RNF168: variants seen among roughly 807,000 people sequenced by gnomAD.
RNF168 encodes the protein ring finger protein 168, also known as E3 ubiquitin-protein ligase RNF168.
RNF168 carries 34 observed loss-of-function variants against 34.9 expected under a neutral mutation model. That is an observed-to-expected ratio of 0.97 (90% CI 0.74 to 1.30). The LOEUF (loss-of-function observed/expected upper bound fraction) is 1.30, where lower values mean the gene tolerates loss of function less well. Ranked by LOEUF, RNF168 falls within the 50% of genes most tolerant of loss-of-function variation. RNF168 has a pLI of 0.00. For synonymous variants in RNF168, 264 were observed against 254.7 expected, an observed-to-expected ratio of 1.04 and a Z score of -0.35; for missense variants, 725 against 682.5, an observed-to-expected ratio of 1.06 and a Z score of -0.69.
intron 4 of RNF168, among the ~76,000 whole-genome samples, chr3:196,475,552 CTTTTTTT>C (rs771089639): frequency 3.7e-5 from 5 of 133,452 alleles, no homozygotes; most frequent in Non-Finnish European, 7.7e-5. Flanking sequence ...AATATTTTTT[CTTTTTTT>C]TTTTTTTTTG....
chr3:196,487,352 G>A (rs777848191), intron 3 of RNF168, 47 bp downstream of exon 3: 21 of 1,467,564 alleles, frequency 1.4e-5, no homozygotes, highest in Middle Eastern at 1.7e-4. Context: ...CTGCAGCAGC[G>A]CATACCAAGG....
intron 4 of RNF168, among the ~76,000 whole-genome samples, chr3:196,480,212 T>C (rs932881477): frequency 1.3e-5 from 2 of 152,200 alleles, no homozygotes; most frequent in Non-Finnish European, 2.9e-5. Context: ...TTAAAATATA[T>C]GTTTGCTGCT....
rs759237055 is a variant in RNF168 at position 196,472,382 on chromosome 3, TCTC to T, written c.1150_1152del (p.Glu384del). ...GATTCTTGGTTTTTTCTTTTGGAAA[TCTC>T]CTTACTGATCAGTAGGCACGACTCT... is the stretch of plus-strand genomic sequence containing the variant. On this transcript the variant is annotated inframe_deletion, in exon 6 of 6. Coordinates refer to ENST00000318037, the MANE Select transcript of RNF168 (RefSeq NM_152617.4). The T allele has an allele frequency of 6.8e-6, 11 of 1,614,012 alleles. No homozygotes were observed. The highest frequency in any genetic ancestry group is 9.3e-6 in the Non-Finnish European group (11 of 1,180,000).
intron 2 of RNF168, 60 bp downstream of exon 2, chr3:196,488,547 A>G (rs775953441): frequency 9.9e-7 from 1 of 1,010,122 alleles, no homozygotes; most frequent in Non-Finnish European, 1.5e-6. Context: ...CTAAATTAAA[A>G]TCTGAAACTA....
chr3:196,487,969 C>T (rs143903852), intron 2 of RNF168, among the ~76,000 whole-genome samples: 45 of 152,276 alleles, frequency 3.0e-4, no homozygotes, highest in African/African-American at 1.1e-3. Context: ...AGCCCTTTAA[C>T]CTTTCCTCAT....
chr3:196,495,542 AT>A (rs1351379264), intron 1 of RNF168, among the ~76,000 whole-genome samples: 1 of 152,138 alleles, frequency 6.6e-6, no homozygotes, highest in Non-Finnish European at 1.5e-5. Context: ...TAGAATTTCA[AT>A]TTGGGTTTTT....
Position 196,472,149 on chromosome 3 carries a change from C to T in RNF168, c.1386G>A (p.Met462Ile), listed in dbSNP as rs1327965880. ...GGGATCCTTTTTGCCGGTTTGGCAC[C>T]ATTTGCTCTTTATCCACCTCCTTCT... ...QLQKEVDKEQ[M>I]VPNRQKGSPD... The change falls in exon 6 of 6, where the codon ATG becomes ATA. Residue 462 changes from methionine to isoleucine, a missense_variant. By Grantham distance (10) the Met-to-Ile change is conservative. Coordinates refer to ENST00000318037, the MANE Select transcript of RNF168 (RefSeq NM_152617.4). The T allele has an allele frequency of 1.2e-6, 2 of 1,613,976 alleles. No individual in the cohort carries two copies. The highest frequency in any genetic ancestry group is 2.7e-5 in the African/African-American group (2 of 74,908).
chr3:196,499,108 C>T (rs1433734000), intron 1 of RNF168, among the ~76,000 whole-genome samples: 2 of 151,922 alleles, frequency 1.3e-5, no homozygotes, highest in Non-Finnish European at 2.9e-5. Flanking sequence ...CAGGTTGTTA[C>T]AGATATAATG....
intron 1 of RNF168, 29 bp from the exon 2 acceptor site, chr3:196,488,712 T>G (rs775164430): frequency 1.4e-6 from 2 of 1,427,928 alleles, no homozygotes; most frequent in South Asian, 2.3e-5. Context: ...GAAAATAACA[T>G]TATAGGCAAC....
chr3:196,471,937 C>G lies in RNF168; in HGVS notation c.1598G>C (p.Arg533Thr). 1 of 1,614,060 alleles carries G rather than the reference C, an allele frequency of 6.2e-7. No homozygotes were observed. Among genetic ancestry groups the G allele is most frequent in the Non-Finnish European group, 8.5e-7 (1 of 1,179,922 alleles). ...TCTAGTAGAATTTGGCATCTTTCTTCTATTAACTGACTGCTTCAACTGCAT... is the reference window on the plus strand; with the variant it reads ...TCTAGTAGAATTTGGCATCTTTCTTGTATTAACTGACTGCTTCAACTGCAT... The part of the protein sequence containing the change: ...LKMQLKQSVN[R>T]RKMPNSTRDH... The change falls in exon 6 of 6, where the codon AGA (arginine) becomes ACA (threonine). Residue 533 changes from arginine to threonine, a missense_variant. Coordinates refer to ENST00000318037, the MANE Select transcript of RNF168 (RefSeq NM_152617.4).
In RNF168 at chr3:196,471,501, T is replaced by C. The variant is rs925342924; in HGVS notation, c.*318A>G. On this transcript the variant is annotated 3_prime_UTR_variant, in exon 6 of 6. Transcript: ENST00000318037. ...ACGACAAAAAGGTGAGCAAAGGCCATAAAACATGCAGTTTTTGGAAAGACA... is the reference window on the plus strand; with the variant it reads ...ACGACAAAAAGGTGAGCAAAGGCCACAAAACATGCAGTTTTTGGAAAGACA... 3.1e-6 allele frequency: 1 copy of C among 322,386 alleles called. No individual in the cohort carries two copies. Among genetic ancestry groups the C allele is most frequent in the Non-Finnish European group, 5.9e-6 (1 of 169,626 alleles). 20.0% of individuals were successfully genotyped at this position (322,386 alleles called of 1,614,324 possible).
chr3:196,491,142 G>A (rs538346969), intron 1 of RNF168, among the ~76,000 whole-genome samples: 27 of 151,934 alleles, frequency 1.8e-4, no homozygotes, highest in African/African-American at 6.0e-4. Flanking sequence ...GTGAAACCCC[G>A]TCTATACTAA....
chr3:196,502,809 G>A lies in RNF168; in HGVS notation c.301+64C>T, dbSNP rs1481998764. The A allele has an allele frequency of 9.2e-6, 13 of 1,410,636 alleles. No individual in the cohort carries two copies. In the East Asian group the frequency reaches 2.5e-4, roughly 27 times the overall value. 87.4% of individuals were successfully genotyped at this position (1,410,636 alleles called of 1,614,324 possible). On this transcript the variant is annotated intron_variant, in intron 1 of 5. Coordinates refer to ENST00000318037, the MANE Select transcript of RNF168 (RefSeq NM_152617.4). ...TTGTTTTTACTTTTTAAATGGAAAA[G>A]TGATGATTCACCTTTTCAAAGACTT...
chr3:196,473,775 A>G (rs903950590), intron 5 of RNF168, among the ~76,000 whole-genome samples: 2 of 152,166 alleles, frequency 1.3e-5, no homozygotes, highest in Admixed American at 6.6e-5. Flanking sequence ...CCGAGCATCC[A>G]CTGTACTCCA....
chr3:196,503,130 T>C lies in RNF168; in HGVS notation c.44A>G (p.Gln15Arg). The change falls in exon 1 of 6, where the codon CAG becomes CGG. Residue 15 changes from glutamine (Q) to arginine (R), a missense_variant. Physicochemically the swap from Gln to Arg is conservative, Grantham distance 43. Transcript: ENST00000318037. The stretch of plus-strand genomic sequence containing the variant: ...GAGGATTTCCATGCAGATCCCGCAC[T>C]GGCACTCGGACAGCGAGGGGATGGC... ...KDAIPSLSEC[Q>R]CGICMEILVE... The C allele has an allele frequency of 1.2e-6, 2 of 1,614,126 alleles. No homozygotes were observed. Among genetic ancestry groups the C allele is most frequent in the Non-Finnish European group, 1.7e-6 (2 of 1,179,996 alleles).
intron 1 of RNF168, among the ~76,000 whole-genome samples, chr3:196,493,859 T>TA (rs1732671646): frequency 7.6e-6 from 1 of 131,362 alleles, no homozygotes; most frequent in Admixed American, 7.1e-5. Context: ...AAATTTATTT[T>TA]TTTTTTTTTT....
intron 2 of RNF168, 139 bp from the exon 3 acceptor site, chr3:196,487,717 G>A: frequency 1.2e-6 from 1 of 855,166 alleles, no homozygotes. Context: ...CAAATCTGGA[G>A]AAGTAGATTC....
intron 4 of RNF168, among the ~76,000 whole-genome samples, chr3:196,480,927 G>A (rs1055136501): frequency 6.6e-6 from 1 of 152,158 alleles, no homozygotes; most frequent in African/African-American, 2.4e-5. Flanking sequence ...TTATAGGCAT[G>A]AGCCACCATG....
At chr3:196,502,308 C>A (rs1206253452) in intron 1 of RNF168, among the ~76,000 whole-genome samples, 1 of 152,082 alleles carries the variant, frequency 6.6e-6, no homozygotes, top group Non-Finnish European at 1.5e-5. Flanking sequence ...AATCAGAGGC[C>A]GGGCGCGGTG....
Sources: allele counts gnomAD v4.1 joint callset (sites outside exome capture counted in the v4.1 genomes callset), GRCh38; gene constraint gnomAD v4.1.1; transcripts MANE v1.5; gene names NCBI Gene and HGNC (gene_info 2026-07-23, HGNC 2026-07-21).